SDK1: variants seen among roughly 807,000 people sequenced by gnomAD.
The protein encoded by SDK1 is sidekick cell adhesion molecule 1.
Under a neutral mutation model 245.5 loss-of-function variants are expected in SDK1, and 157 were observed. The observed-to-expected ratio is 0.64, with a 90% CI of 0.56 to 0.73. The LOEUF is 0.73. Ranked by LOEUF, SDK1 falls within the 30% of genes least tolerant of loss-of-function variation. The pLI, the probability that SDK1 is intolerant of heterozygous loss-of-function variation, is 0.00. For synonymous variants in SDK1, 1,647 were observed against 1,278.5 expected (o/e 1.29, Z -6.15); for missense variants, 3,583 against 3,002.3 (o/e 1.19, Z -4.52).
chr7:3,462,155 C>G (rs190784682), intron 1 of SDK1, among the ~76,000 whole-genome samples: 2 of 152,254 alleles, frequency 1.3e-5, no homozygotes, highest in African/African-American at 4.8e-5. Flanking sequence ...AGAGGCTGAT[C>G]AGTGACTTCA....
chr7:3,938,776 G>GTT (rs1477055206), intron 5 of SDK1, among the ~76,000 whole-genome samples: 5 of 152,140 alleles, frequency 3.3e-5, no homozygotes, highest in African/African-American at 9.7e-5. Context: ...CTGTTTTACG[G>GTT]TTTATCAATT....
chr7:3,405,920 C>T (rs1414226893), intron 1 of SDK1, among the ~76,000 whole-genome samples: 1 of 148,280 alleles, frequency 6.7e-6, no homozygotes, highest in Non-Finnish European at 1.5e-5. Flanking sequence ...TCAAGTGATT[C>T]TTCTGCATCA....
intron 22 of SDK1, among the ~76,000 whole-genome samples, chr7:4,094,044 G>C (rs568319620): frequency 6.6e-6 from 1 of 152,016 alleles, no homozygotes; most frequent in Non-Finnish European, 1.5e-5. Context: ...AAACGGCCAG[G>C]GTGGTTTTTT....
At chr7:4,031,832 G>GC (rs1787840215) in intron 17 of SDK1, among the ~76,000 whole-genome samples, 1 of 152,010 alleles carries the variant, frequency 6.6e-6, no homozygotes. Context: ...TTCTAGACCA[G>GC]CCTGGCCAAC....
intron 4 of SDK1, among the ~76,000 whole-genome samples, chr7:3,723,762 A>C (rs1364880895): frequency 6.6e-6 from 1 of 150,944 alleles, no homozygotes; most frequent in East Asian, 2.0e-4. Context: ...ACACGTACAT[A>C]TACATATACA....
rs191822141 is a variant in SDK1 at position 4,043,811 on chromosome 7, G to T, written c.2603-5537G>T. 1.3e-3 allele frequency among the ~76,000 whole-genome samples: 199 copies of T among 152,218 alleles called. 1 individual carries two copies. The highest frequency in any genetic ancestry group is 2.5e-3 in the Admixed American group (39 of 15,296). ...TTGGTATTCTGGCATTCCTGAGTCA[G>T]TAATTGGGCTTCGTGAAACCCCAGA... is the stretch of plus-strand genomic sequence containing the variant. On this transcript the variant is annotated intron_variant, in intron 17 of 44. Coordinates refer to ENST00000404826, the MANE Select transcript of SDK1 (RefSeq NM_152744.4).
intron 5 of SDK1, among the ~76,000 whole-genome samples, chr7:3,831,029 C>G (rs181529486): frequency 1.3e-5 from 2 of 152,290 alleles, no homozygotes; most frequent in South Asian, 2.1e-4. Context: ...TTTGTCTACT[C>G]TCCTTGTCTC....
chr7:3,364,263 T>G (rs141226817), intron 1 of SDK1, among the ~76,000 whole-genome samples: 18 of 152,332 alleles, frequency 1.2e-4, no homozygotes, highest in Non-Finnish European at 2.5e-4. Context: ...CAGGGTCTTT[T>G]GCGTAGAAAA....
chr7:4,210,955 C>T (rs1342836330), intron 38 of SDK1, among the ~76,000 whole-genome samples: 1 of 152,114 alleles, frequency 6.6e-6, no homozygotes, highest in Non-Finnish European at 1.5e-5. Flanking sequence ...GAAGATCTTC[C>T]GAAGGGAGGA....
At chr7:3,356,003 C>G (rs1457528401) in intron 1 of SDK1, among the ~76,000 whole-genome samples, 2 of 152,182 alleles carry the variant, frequency 1.3e-5, no homozygotes, top group East Asian at 3.9e-4. Context: ...CTGCACTGAA[C>G]AAATAGACAC....
chr7:4,079,704 G>A, intron 22 of SDK1, 120 bp downstream of exon 22: 2 of 1,373,648 alleles, frequency 1.5e-6, no homozygotes, highest in South Asian at 2.8e-5. Flanking sequence ...TGCTTGGAGA[G>A]GGAGAACCAG....
intron 1 of SDK1, among the ~76,000 whole-genome samples, chr7:3,400,139 C>T (rs886654144): frequency 6.6e-6 from 1 of 151,654 alleles, no homozygotes; most frequent in East Asian, 1.9e-4. Context: ...TACAGGACTA[C>T]ACATTTTCAC....
chr7:3,513,294 C>G (rs1782639987), intron 1 of SDK1, among the ~76,000 whole-genome samples: 2 of 152,060 alleles, frequency 1.3e-5, no homozygotes, highest in Admixed American at 6.6e-5. Context: ...CAATAAGAGA[C>G]AGTAATAATG....
chr7:3,702,200 C>T (rs1045506991), intron 4 of SDK1, among the ~76,000 whole-genome samples: 1 of 152,094 alleles, frequency 6.6e-6, no homozygotes, highest in Non-Finnish European at 1.5e-5. Context: ...AAACCATAGA[C>T]TGTAATAAAC....
intron 4 of SDK1, among the ~76,000 whole-genome samples, chr7:3,757,160 C>T (rs1332279439): frequency 1.3e-5 from 2 of 152,174 alleles, no homozygotes; most frequent in African/African-American, 4.8e-5. Flanking sequence ...ACCCCCACTT[C>T]AGATCCCAGG....
rs529690005 is a variant in SDK1, at chr7:3,557,959, C to T, written c.299-61121C>T. Among the ~76,000 whole-genome samples, 134 of 152,254 alleles carry T rather than the reference C, an allele frequency of 8.8e-4. 1 individual carries two copies. Among genetic ancestry groups the T allele is most frequent in the African/African-American group, 3.0e-3 (126 of 41,542 alleles). ...TATGCTTGTACATTGTCTTTAACAG[C>T]AATTATCAGTATTAGACAAAGCATA... On this transcript the variant is annotated intron_variant, in intron 1 of 44. Coordinates refer to ENST00000404826, the MANE Select transcript of SDK1 (RefSeq NM_152744.4).
At chr7:4,191,389 G>A (rs1336439156) in intron 35 of SDK1, among the ~76,000 whole-genome samples, 1 of 152,256 alleles carries the variant, frequency 6.6e-6, no homozygotes, top group African/African-American at 2.4e-5. Context: ...GTCCATCACT[G>A]TAGACAAAGG....
intron 4 of SDK1, among the ~76,000 whole-genome samples, chr7:3,658,450 T>A (rs1159800068): frequency 6.6e-6 from 1 of 151,994 alleles, no homozygotes; most frequent in Admixed American, 6.5e-5. Context: ...CTGAGTGGGA[T>A]ACAGCCATCT....
intron 32 of SDK1, among the ~76,000 whole-genome samples, chr7:4,167,588 T>C (rs1781574802): frequency 6.6e-6 from 1 of 152,148 alleles, no homozygotes; most frequent in Non-Finnish European, 1.5e-5. Context: ...GACACACAGA[T>C]GAGGTCATGT....
Sources: gnomAD v4.1 joint callset for allele counts (sites outside exome capture counted in the v4.1 genomes callset) on GRCh38, gnomAD v4.1.1 for gene constraint, MANE v1.5 for transcripts, NCBI Gene and HGNC (gene_info 2026-07-23, HGNC 2026-07-21) for gene names.